DPP9: variants seen among roughly 807,000 people sequenced by gnomAD.
DPP9 encodes dipeptidyl peptidase IV-related protein-2.
Under a neutral mutation model 110.7 loss-of-function variants are expected in DPP9, and 50 were observed. The ratio of observed to expected loss-of-function variants is 0.45; its 90% CI spans 0.36 to 0.57. The LOEUF is 0.57. DPP9 is among the 20% of genes least tolerant of loss of function. The pLI, the probability that DPP9 is intolerant of heterozygous loss-of-function variation, is 0.00. For missense variants in DPP9, 1,022 were observed against 1,217.9 expected (o/e 0.84, Z 2.39); for synonymous variants, 561 against 514.4 (o/e 1.09, Z -1.23).
chr19:4,680,929 C>T (rs948372143), intron 20 of DPP9, among the ~76,000 whole-genome samples: 2 of 152,144 alleles, frequency 1.3e-5, no homozygotes, highest in African/African-American at 4.8e-5. Context: ...TGCACTCCAG[C>T]CGGGACCACA....
At chr19:4,714,912 C>A (rs1467701502) in intron 3 of DPP9, among the ~76,000 whole-genome samples, 2 of 152,022 alleles carry the variant, frequency 1.3e-5, no homozygotes, top group African/African-American at 2.4e-5. Context: ...CTCAAACAGG[C>A]CAAATTCCTT....
chr19:4,684,331 T>G lies in DPP9; in HGVS notation c.2178+332A>C. 1 of 337,114 alleles carries G rather than the reference T, an allele frequency of 3.0e-6. No homozygotes were observed. The highest frequency in any genetic ancestry group is 5.6e-6 in the Non-Finnish European group (1 of 178,228). 20.9% of individuals were successfully genotyped at this position (337,114 alleles called of 1,614,324 possible). On this transcript the variant is annotated intron_variant, in intron 18 of 21. Transcript: ENST00000262960. The surrounding 1 kb of genome is among the most constrained non-coding windows in gnomAD (Gnocchi z 4.8). The stretch of plus-strand genomic sequence containing the variant: ...CCTTGGACCTCCCAGCCTCCAGAAC[T>G]GTGAGAGATTTTCGTTCTTTATAAA...
intron 18 of DPP9, 130 bp from the exon 19 acceptor site, chr19:4,683,759 C>T (rs2090269494): frequency 1.9e-6 from 3 of 1,584,776 alleles, no homozygotes; most frequent in Non-Finnish European, 2.6e-6. Flanking sequence ...AGCCCCCTGT[C>T]CTTCCAGGCC....
At position 4,683,564 on chromosome 19, in the gene DPP9, G is replaced by A. The variant is rs757600372; in HGVS notation, c.2244C>T (p.Ile748=). The change falls in exon 19 of 22, where the codon ATC becomes ATT. Residue 748 remains isoleucine (I), a synonymous_variant. Transcript: ENST00000262960. ...CATGGATGGCAACTCGGCTCAGGTC[G>A]ATGAAGCCATACTTCTCGGCCACGA... ...LQFVAEKYGF[I]DLSRVAIHGW... is the part of the protein sequence containing the mutation. 1.2e-5 allele frequency: 20 copies of A among 1,613,346 alleles called. No individual in the cohort carries two copies. The highest frequency in any genetic ancestry group is 4.4e-5 in the South Asian group (4 of 91,092).
chr19:4,694,910 G>T lies in DPP9; in HGVS notation c.1354-87C>A. 7.2e-7 allele frequency: 1 copy of T among 1,381,810 alleles called. No individual in the cohort carries two copies. The highest frequency in any genetic ancestry group is 1.0e-6 in the Non-Finnish European group (1 of 998,360). The allele number at this position is 1,381,810 out of a possible 1,614,324, so 85.6% of individuals were successfully genotyped here. ...CACCAGTAATCCCAGTAGTTTGGGA[G>T]GCTGGGGCAGGAGACTTGCTTGAGC... On this transcript the variant is annotated intron_variant, in intron 12 of 21. Coordinates refer to ENST00000262960, the MANE Select transcript of DPP9 (RefSeq NM_139159.5). This position sits in a 1 kb window ranked among gnomAD's most constrained non-coding sequence, Gnocchi z 4.0.
At chr19:4,683,414 C>T (rs750397431) in intron 19 of DPP9, 63 bp downstream of exon 19, 49 of 1,599,582 alleles carry the variant, frequency 3.1e-5, no homozygotes, top group Admixed American at 1.0e-4. Context: ...TGGGCAAACG[C>T]GGCGTAGATG....
intron 13 of DPP9, among the ~76,000 whole-genome samples, chr19:4,691,490 AAAC>A (rs1357571988): frequency 6.6e-6 from 1 of 151,346 alleles, no homozygotes; most frequent in Non-Finnish European, 1.5e-5. Context: ...AAAAAACAAA[AAAC>A]AAAAAACAGG....
intron 2 of DPP9, among the ~76,000 whole-genome samples, chr19:4,721,117 G>A (rs2093304600): frequency 6.6e-6 from 1 of 152,220 alleles, no homozygotes; most frequent in Non-Finnish European, 1.5e-5. Context: ...GGGGAGGCAT[G>A]TGGCCAGTGG....
intron 14 of DPP9, among the ~76,000 whole-genome samples, chr19:4,690,538 G>A (rs559508817): frequency 9.8e-5 from 15 of 152,360 alleles, no homozygotes; most frequent in African/African-American, 3.4e-4. Flanking sequence ...GGCCCCAGAC[G>A]GCCTGCAGAG....
rs376836687 is a variant in DPP9 at position 4,679,927 on chromosome 19, G to A, written c.2494C>T (p.Leu832Phe). ...LPNEPNRLLI[L>F]HGFLDENVHF... The stretch of plus-strand genomic sequence containing the variant: ...ACGTTTTCGTCCAGGAAGCCGTGGA[G>A]GATAAGCAAGCGGTTGGGCCTGGAA... The change falls in exon 21 of 22, where the codon CTC becomes TTC. Residue 832 changes from leucine (L) to phenylalanine (F), a missense_variant. Transcript: ENST00000262960. 15 of 1,612,958 alleles carry A rather than the reference G, an allele frequency of 9.3e-6. No homozygotes were observed. The highest frequency in any genetic ancestry group is 1.3e-5 in the Non-Finnish European group (15 of 1,179,620).
chr19:4,682,549 C>A lies in DPP9; in HGVS notation c.2474+147G>T. On this transcript the variant is annotated intron_variant, in intron 20 of 21. Transcript: ENST00000262960. This position sits in a 1 kb window ranked among gnomAD's most constrained non-coding sequence, Gnocchi z 7.1. ...TGAGGCACATGCAGGCAGACGCCACCACAGGAGCACAGCGGGGAGGCTCCA... is the reference window on the plus strand; with the variant it reads ...TGAGGCACATGCAGGCAGACGCCACAACAGGAGCACAGCGGGGAGGCTCCA... 8.0e-7 allele frequency: 1 copy of A among 1,246,698 alleles called. No individual in the cohort carries two copies. The highest frequency in any genetic ancestry group is 1.1e-6 in the Non-Finnish European group (1 of 908,118). 77.2% of individuals were successfully genotyped at this position (1,246,698 alleles called of 1,614,324 possible).
At chr19:4,699,267 G>A (rs539773343) in intron 10 of DPP9, among the ~76,000 whole-genome samples, 1 of 151,758 alleles carries the variant, frequency 6.6e-6, no homozygotes, top group Admixed American at 6.6e-5. Flanking sequence ...GTTTGTCCCA[G>A]CCCTTCCATC....
In DPP9 at chr19:4,704,426, G is replaced by T; in HGVS notation, c.427-122C>A. On this transcript the variant is annotated intron_variant, in intron 5 of 21. Transcript: ENST00000262960. The surrounding 1 kb of genome is among the most constrained non-coding windows in gnomAD (Gnocchi z 6.0). ...ATCTGACTTCGGGCCTCGCCAGAGAGAACTTCCTGTACTGGGCAGAATTGG... is the reference window on the plus strand; with the variant it reads ...ATCTGACTTCGGGCCTCGCCAGAGATAACTTCCTGTACTGGGCAGAATTGG... 8.1e-7 allele frequency: 1 copy of T among 1,240,684 alleles called. No homozygotes were observed. Among genetic ancestry groups the T allele is most frequent in the Non-Finnish European group, 1.1e-6 (1 of 889,500 alleles). 76.9% of individuals were successfully genotyped at this position (1,240,684 alleles called of 1,614,324 possible).
intron 14 of DPP9, 103 bp downstream of exon 14, chr19:4,690,771 ATGTG>A (rs748976510): frequency 3.5e-6 from 3 of 866,012 alleles, no homozygotes; most frequent in East Asian, 5.3e-5. Flanking sequence ...GAGAATGAGT[ATGTG>A]TGTGAGTGTA....
At chr19:4,678,882 C>G (rs2089315259) in intron 21 of DPP9, among the ~76,000 whole-genome samples, 1 of 152,150 alleles carries the variant, frequency 6.6e-6, no homozygotes, top group Non-Finnish European at 1.5e-5. Context: ...CCACGTCCCA[C>G]TGTCCCCCAC....
rs1347689426 is a variant in DPP9 at position 4,676,409 on chromosome 19, G to A, written c.*155C>T. The A allele has an allele frequency of 2.8e-5, 18 of 638,904 alleles. No individual in the cohort carries two copies. The highest frequency in any genetic ancestry group is 1.4e-5 in the Non-Finnish European group (5 of 358,996). 39.6% of individuals were successfully genotyped at this position (638,904 alleles called of 1,614,324 possible). A position where few individuals can be genotyped will look rare whatever the true frequency, so the allele number is the denominator to read the frequency against. On this transcript the variant is annotated 3_prime_UTR_variant, in exon 22 of 22. Coordinates refer to ENST00000262960, the MANE Select transcript of DPP9 (RefSeq NM_139159.5). The surrounding 1 kb of genome is among the most constrained non-coding windows in gnomAD (Gnocchi z 4.0). ...CGTTTAAAAAAGGATAAAAGGCGTC[G>A]GGGCGGTGAAGGCAGCGGCTCCTCG...
In DPP9 at chr19:4,702,631, G is replaced by T; in HGVS notation, c.855C>A (p.Tyr285Ter). Residue 285 changes from tyrosine (Y) to a stop codon, truncating the protein, a stop_gained, in exon 8 of 22, where the codon TAC becomes TAA. Transcript: ENST00000262960. LOFTEE classifies it high-confidence loss of function. Reference protein sequence around the residue: ...IQEEFDRFTGYWWCPTASWEG... With the variant: ...IQEEFDRFTG ...CCCAGGAGGCTGTGGGGCACCACCA[G>T]TACCCAGTGAAGCGGTCGAACTCTT... 1 of 1,603,290 alleles carries T rather than the reference G, an allele frequency of 6.2e-7. No individual in the cohort carries two copies. The highest frequency in any genetic ancestry group is 8.5e-7 in the Non-Finnish European group (1 of 1,175,254).
intron 14 of DPP9, 79 bp downstream of exon 14, chr19:4,690,799 G>T: frequency 9.3e-7 from 1 of 1,069,580 alleles, no homozygotes; most frequent in Non-Finnish European, 1.4e-6. Flanking sequence ...GTGTGTATGC[G>T]CGTGCGTGTG....
intron 4 of DPP9, among the ~76,000 whole-genome samples, chr19:4,709,447 A>C (rs2092732339): frequency 6.6e-6 from 1 of 152,166 alleles, no homozygotes. Flanking sequence ...GCGGAGACTC[A>C]GGGGTGAGCA....
Sources: gnomAD v4.1 joint callset for allele counts (sites outside exome capture counted in the v4.1 genomes callset) on GRCh38, gnomAD v4.1.1 for gene constraint, Gnocchi (gnomAD v3.1) non-coding constraint, MANE v1.5 for transcripts, NCBI Gene and HGNC (gene_info 2026-07-23, HGNC 2026-07-21) for gene names.